The following RBM46 variants were observed in gnomAD, a reference collection of about 807,000 sequenced individuals.
The protein encoded by RBM46 is probable RNA-binding protein 46.
Under a neutral mutation model 43.3 loss-of-function variants are expected in RBM46, and 12 were observed. That is an observed-to-expected ratio of 0.28 (90% CI 0.18 to 0.45). The LOEUF (loss-of-function observed/expected upper bound fraction) is 0.45. Ranked by LOEUF, RBM46 falls within the 20% of genes least tolerant of loss-of-function variation. The pLI is 1.00. For missense variants in RBM46, 412 were observed against 639.1 expected, an observed-to-expected ratio of 0.64 and a Z score of 3.83; for synonymous variants, 205 against 207.6, an observed-to-expected ratio of 0.99 and a Z score of 0.11.
At chr4:154,812,909 T>C (rs1735250791) in intron 4 of RBM46, among the ~76,000 whole-genome samples, 2 of 152,228 alleles carry the variant, frequency 1.3e-5, no homozygotes, top group African/African-American at 4.8e-5. Flanking sequence ...TAAGCTGTTA[T>C]TGGACATAGT....
At chr4:154,826,163 GA>G (rs755904602) in intron 4 of RBM46, among the ~76,000 whole-genome samples, 2,220 of 133,332 alleles carry the variant, frequency 0.017, 25 homozygotes, top group Middle Eastern at 0.037. Context: ...AAAAAAAAAA[GA>G]AAAAAAAAAA....
In RBM46 at chr4:154,818,461, T is replaced by C. The variant is rs1361826296; in HGVS notation, c.1403-9407T>C. ...AATCTGTTGTTGATCAGCTTGTTACTCCTTTGAACATACATTGTGCCATCA... is the reference window on the plus strand; with the variant it reads ...AATCTGTTGTTGATCAGCTTGTTACCCCTTTGAACATACATTGTGCCATCA... On this transcript the variant is annotated intron_variant, in intron 4 of 4. Coordinates refer to ENST00000281722, the MANE Select transcript of RBM46 (RefSeq NM_144979.5). Among the ~76,000 whole-genome samples, 7 of 152,166 alleles carry C rather than the reference T, an allele frequency of 4.6e-5. No homozygotes were observed. The South Asian group carries it at 1.0e-3, about 23-fold the overall frequency.
At chr4:154,789,886 T>G (rs1733988703) in intron 1 of RBM46, among the ~76,000 whole-genome samples, 1 of 152,202 alleles carries the variant, frequency 6.6e-6, no homozygotes, top group Non-Finnish European at 1.5e-5. Context: ...TTCAACTTCT[T>G]CCTGGTTTAG....
At position 154,828,797 on chromosome 4, in the gene RBM46, A is replaced by C. The variant is rs548577812; in HGVS notation, c.*730A>C. On this transcript the variant is annotated 3_prime_UTR_variant, in exon 5 of 5. Coordinates refer to ENST00000281722, the MANE Select transcript of RBM46 (RefSeq NM_144979.5). ...CTTGAATTCAAATTTTTTGACATTA[A>C]ATATGTGATGCTTCTATTATGTGTT... The C allele has an allele frequency of 2.0e-5, 3 of 152,624 alleles. No individual in the cohort carries two copies. Among genetic ancestry groups the C allele is most frequent in the South Asian group, 4.1e-4 (2 of 4,824 alleles). 9.5% of individuals were successfully genotyped at this position (152,624 alleles called of 1,614,324 possible). A position where few individuals can be genotyped will look rare whatever the true frequency, so the allele number is the denominator to read the frequency against.
At position 154,825,208 on chromosome 4, in the gene RBM46, C is replaced by G. The variant is rs563694352; in HGVS notation, c.1403-2660C>G. Among the ~76,000 whole-genome samples the G allele has an allele frequency of 5.7e-4, 86 of 151,996 alleles. No homozygotes were observed. In the South Asian group the frequency reaches 0.017, roughly 31 times the overall value. ...ATTGGGAAGAAAAACTAGGGGTGGGCAAATAAGTATATGCTAGGAATGTTA... is the reference window on the plus strand; with the variant it reads ...ATTGGGAAGAAAAACTAGGGGTGGGGAAATAAGTATATGCTAGGAATGTTA... On this transcript the variant is annotated intron_variant, in intron 4 of 4. Coordinates refer to ENST00000281722, the MANE Select transcript of RBM46 (RefSeq NM_144979.5).
At chr4:154,807,763 T>C (rs777076479) in intron 4 of RBM46, among the ~76,000 whole-genome samples, 1 of 151,924 alleles carries the variant, frequency 6.6e-6, no homozygotes, top group South Asian at 2.1e-4. Context: ...CCCCAAATAA[T>C]TAGAAACTTT....
At chr4:154,794,119 C>T (rs1335748074) in intron 1 of RBM46, among the ~76,000 whole-genome samples, 1 of 151,874 alleles carries the variant, frequency 6.6e-6, no homozygotes, top group East Asian at 1.9e-4. Flanking sequence ...ATCCCTTCCA[C>T]CTCAACCTCT....
In RBM46 at chr4:154,799,165, A is replaced by G. The variant is rs747432736; in HGVS notation, c.1003A>G (p.Asn335Asp). 4.3e-6 allele frequency: 7 copies of G among 1,614,152 alleles called. No individual in the cohort carries two copies. Among genetic ancestry groups the G allele is most frequent in the Non-Finnish European group, 5.9e-6 (7 of 1,180,028 alleles). Residue 335 changes from asparagine to aspartate, a missense_variant, in exon 4 of 5, where the codon AAC becomes GAC. Asn to Asp is a conservative substitution (Grantham distance 23, BLOSUM62 1). Transcript: ENST00000281722. ...TTCTGAAAATCTGATTGTGTTTGCT[A>G]ACAAAGAAGAGAGCCACCCAAAAAC... ...PNSENLIVFA[N>D]KEESHPKTLG...
chr4:154,813,139 A>G (rs1222304461), intron 4 of RBM46, among the ~76,000 whole-genome samples: 1 of 152,148 alleles, frequency 6.6e-6, no homozygotes, highest in East Asian at 1.9e-4. Flanking sequence ...TAAAAGATAA[A>G]GATTACAAGG....
intron 2 of RBM46, 94 bp from the exon 3 acceptor site, chr4:154,797,717 A>G (rs1430213342): frequency 1.2e-6 from 1 of 829,578 alleles, no homozygotes; most frequent in South Asian, 2.2e-5. Context: ...TGAGTGGCAC[A>G]TAGCACAGCA....
At chr4:154,810,623 C>G (rs1368619490) in intron 4 of RBM46, among the ~76,000 whole-genome samples, 2 of 152,130 alleles carry the variant, frequency 1.3e-5, no homozygotes, top group African/African-American at 4.8e-5. Context: ...TAAGTCAGAA[C>G]TATCTAAGCC....
chr4:154,797,773 A>T, intron 2 of RBM46, 38 bp from the exon 3 acceptor site: 1 of 1,339,724 alleles, frequency 7.5e-7, no homozygotes, highest in Middle Eastern at 1.9e-4. Flanking sequence ...ACAAATATCC[A>T]ATTAGAATTT....
chr4:154,803,412 AATT>A (rs1019008897), intron 4 of RBM46, among the ~76,000 whole-genome samples: 60 of 152,190 alleles, frequency 3.9e-4, no homozygotes, highest in Admixed American at 3.9e-4. Context: ...CAGGAAAAGA[AATT>A]ATGGGCTGGG....
intron 1 of RBM46, among the ~76,000 whole-genome samples, chr4:154,795,079 T>G (rs1279113896): frequency 6.6e-6 from 1 of 152,220 alleles, no homozygotes; most frequent in East Asian, 1.9e-4. Context: ...CTGTGCAGTT[T>G]GTTTTTCTTA....
At chr4:154,797,227 A>C (rs1380737839) in intron 2 of RBM46, among the ~76,000 whole-genome samples, 1 of 152,202 alleles carries the variant, frequency 6.6e-6, no homozygotes, top group South Asian at 2.1e-4. Context: ...TTGAAACAGC[A>C]GTGAGTAAGT....
chr4:154,790,834 A>G (rs917669860), intron 1 of RBM46, among the ~76,000 whole-genome samples: 2 of 152,202 alleles, frequency 1.3e-5, no homozygotes, highest in East Asian at 3.8e-4. Context: ...AGGTAGGAAG[A>G]ACTGGCAGGT....
chr4:154,815,738 T>G (rs1033892292), intron 4 of RBM46, among the ~76,000 whole-genome samples: 7 of 152,052 alleles, frequency 4.6e-5, no homozygotes, highest in African/African-American at 1.7e-4. Context: ...ATGACTTACC[T>G]GTTTATTCAG....
At chr4:154,827,387 G>C (rs954513623) in intron 4 of RBM46, 19 of 986,266 alleles carry the variant, frequency 1.9e-5, no homozygotes, top group Non-Finnish European at 2.2e-5. Context: ...ATGAAATATT[G>C]GCCAGCTAGT....
intron 2 of RBM46, 97 bp from the exon 3 acceptor site, chr4:154,797,714 C>A: frequency 1.3e-6 from 1 of 774,172 alleles, no homozygotes; most frequent in Non-Finnish European, 2.0e-6. Context: ...TTGTGAGTGG[C>A]ACATAGCACA....
Sources: allele counts gnomAD v4.1 joint callset (sites outside exome capture counted in the v4.1 genomes callset), GRCh38; gene constraint gnomAD v4.1.1; transcripts MANE v1.5; gene names NCBI Gene and HGNC (gene_info 2026-07-23, HGNC 2026-07-21).